The following ZBTB38 variants were observed in gnomAD, a reference collection of about 807,000 sequenced individuals.
ZBTB38 encodes the protein zinc finger and BTB domain-containing protein 38.
Under a neutral mutation model 76.8 loss-of-function variants are expected in ZBTB38, and 20 were observed. The observed-to-expected ratio is 0.26, with a 90% CI of 0.18 to 0.38. The LOEUF (loss-of-function observed/expected upper bound fraction) is 0.38. Ranked by LOEUF, ZBTB38 falls within the 10% of genes least tolerant of loss-of-function variation. ZBTB38 has a pLI of 1.00. For synonymous variants in ZBTB38, 504 were observed against 544.2 expected (o/e 0.93, Z 1.03); for missense variants, 1,082 against 1,482.3 (o/e 0.73, Z 4.43).
At chr3:141,421,278 CTTTTTTTTTT>C (rs77094062) in intron 5 of ZBTB38, among the ~76,000 whole-genome samples, 12 of 125,686 alleles carry the variant, frequency 9.5e-5, no homozygotes, top group Non-Finnish European at 1.3e-4. Flanking sequence ...AAACTTCTCT[CTTTTTTTTTT>C]TTTTTTTTTT....
intron 5 of ZBTB38, among the ~76,000 whole-genome samples, chr3:141,428,534 C>A (rs1028885284): frequency 1.3e-5 from 2 of 152,164 alleles, no homozygotes; most frequent in Admixed American, 6.5e-5. Context: ...GTCGCCCAGG[C>A]TGGAGTACAG....
At chr3:141,425,602 G>A (rs1229179044) in intron 5 of ZBTB38, among the ~76,000 whole-genome samples, 3 of 152,216 alleles carry the variant, frequency 2.0e-5, no homozygotes, top group Non-Finnish European at 4.4e-5. Context: ...CTGCCTCTCA[G>A]CCTACCACAG....
chr3:141,375,262 T>C (rs755329145), intron 2 of ZBTB38, among the ~76,000 whole-genome samples: 1 of 152,198 alleles, frequency 6.6e-6, no homozygotes, highest in Non-Finnish European at 1.5e-5. Flanking sequence ...CTGAGGCCCA[T>C]AATGGTTCAT....
At chr3:141,404,333 A>G (rs908143951) in intron 5 of ZBTB38, among the ~76,000 whole-genome samples, 7 of 152,210 alleles carry the variant, frequency 4.6e-5, no homozygotes, top group Non-Finnish European at 1.5e-5. Context: ...GGAAGGATGC[A>G]CTGACATTGC....
intron 2 of ZBTB38, among the ~76,000 whole-genome samples, chr3:141,376,124 G>A (rs1425830226): frequency 1.3e-5 from 2 of 152,202 alleles, no homozygotes; most frequent in African/African-American, 2.4e-5. Flanking sequence ...CTGACTGCCC[G>A]GCTTCCTCTC....
intron 5 of ZBTB38, among the ~76,000 whole-genome samples, chr3:141,435,739 AAC>A (rs1222893824): frequency 6.6e-6 from 1 of 151,996 alleles, no homozygotes; most frequent in East Asian, 1.9e-4. Flanking sequence ...CAGCCTGGGC[AAC>A]AGAGTAAGAC....
intron 5 of ZBTB38, chr3:141,432,362 T>C (rs1204118547): frequency 1.2e-6 from 1 of 841,914 alleles, no homozygotes; most frequent in Non-Finnish European, 1.4e-6. Flanking sequence ...TCTGTTGTTA[T>C]TATGTACGTT....
At chr3:141,362,437 T>C (rs566900209) in intron 1 of ZBTB38, among the ~76,000 whole-genome samples, 23 of 152,126 alleles carry the variant, frequency 1.5e-4, no homozygotes, top group Non-Finnish European at 2.6e-4. Context: ...AAAATATAGA[T>C]AGCATAAAAT....
chr3:141,439,349 C>T (rs2150853837), intron 5 of ZBTB38, among the ~76,000 whole-genome samples: 1 of 152,324 alleles, frequency 6.6e-6, no homozygotes. Flanking sequence ...GGCTTTCTGA[C>T]ACACAAAGGT....
intron 1 of ZBTB38, among the ~76,000 whole-genome samples, chr3:141,332,458 C>T (rs917689289): frequency 6.6e-6 from 1 of 152,232 alleles, no homozygotes; most frequent in South Asian, 2.1e-4. Flanking sequence ...CAACTCCTCT[C>T]AGCTCTGAGC....
At chr3:141,391,442 T>G (rs764530421) in intron 4 of ZBTB38, among the ~76,000 whole-genome samples, 48 of 152,286 alleles carry the variant, frequency 3.2e-4, no homozygotes, top group Non-Finnish European at 5.1e-4. Flanking sequence ...TAGGTAAGCT[T>G]CCCCTACAGT....
chr3:141,406,541 A>C (rs1363065296), intron 5 of ZBTB38, among the ~76,000 whole-genome samples: 2 of 152,184 alleles, frequency 1.3e-5, no homozygotes, highest in African/African-American at 4.8e-5. Flanking sequence ...GTGTTGAAGC[A>C]TGCTGTCTCC....
At chr3:141,431,930 CA>C (rs2077706053) in intron 5 of ZBTB38, 1 of 232,676 alleles carries the variant, frequency 4.3e-6, no homozygotes, top group African/African-American at 2.3e-5. Context: ...GCAACATCAA[CA>C]GGATTTTCCT....
At chr3:141,350,410 T>G (rs1421238837) in intron 1 of ZBTB38, among the ~76,000 whole-genome samples, 2 of 152,214 alleles carry the variant, frequency 1.3e-5, no homozygotes, top group Non-Finnish European at 2.9e-5. Context: ...TATTTGCCTT[T>G]CTGAGCATCT....
intron 2 of ZBTB38, among the ~76,000 whole-genome samples, chr3:141,379,143 C>T (rs375248857): frequency 2.6e-5 from 4 of 152,280 alleles, no homozygotes; most frequent in South Asian, 2.1e-4. Flanking sequence ...GAAGCATTTA[C>T]GTCCCTGTCA....
chr3:141,327,103 C>T (rs1307040617), intron 1 of ZBTB38, among the ~76,000 whole-genome samples: 2 of 152,098 alleles, frequency 1.3e-5, no homozygotes, highest in Admixed American at 6.5e-5. Context: ...GTTGACAGGC[C>T]TGTGTGTTCT....
In ZBTB38 at chr3:141,444,548, C is replaced by A; in HGVS notation, c.2160C>A (p.Ser720Arg). 6.2e-7 allele frequency: 1 copy of A among 1,614,188 alleles called. No individual in the cohort carries two copies. The highest frequency in any genetic ancestry group is 8.5e-7 in the Non-Finnish European group (1 of 1,180,040). ...SGSAPSVIVH[S>R]SQFSSVIMHS... ...CTGCACCCTCGGTCATTGTACACAG[C>A]AGCCAGTTTTCATCGGTGATCATGC... Residue 720 changes from serine (S) to arginine (R), a missense_variant, in exon 6 of 6, where the codon AGC becomes AGA. Ser to Arg is a moderately radical substitution (Grantham distance 110). Coordinates refer to ENST00000321464, the MANE Select transcript of ZBTB38 (RefSeq NM_001376113.1). The surrounding 1 kb of genome is among the most constrained non-coding windows in gnomAD (Gnocchi z 5.1).
At chr3:141,438,366 GTA>G in intron 5 of ZBTB38, 2 of 152,638 alleles carry the variant, frequency 1.3e-5, no homozygotes, top group Non-Finnish European at 2.9e-5. Context: ...GGGATTACAG[GTA>G]TGTGCCACCA....
At chr3:141,405,992 G>A (rs1954247318) in intron 5 of ZBTB38, among the ~76,000 whole-genome samples, 1 of 152,220 alleles carries the variant, frequency 6.6e-6, no homozygotes, top group African/African-American at 2.4e-5. Flanking sequence ...CAATAAAAGA[G>A]ATGGAGAGGA....
Sources: gnomAD v4.1 joint callset for allele counts (sites outside exome capture counted in the v4.1 genomes callset) on GRCh38, gnomAD v4.1.1 for gene constraint, Gnocchi (gnomAD v3.1) non-coding constraint, MANE v1.5 for transcripts, NCBI Gene and HGNC (gene_info 2026-07-23, HGNC 2026-07-21) for gene names.